Variants in STAB1 observed in about 807,000 individuals in gnomAD.
STAB1 encodes stabilin 1.
In STAB1, 250 loss-of-function variants were observed where a neutral mutation model predicts 332.4. The observed-to-expected ratio is 0.75, with a 90% confidence interval of 0.68 to 0.84. The LOEUF is 0.84. Among genes scored for constraint, STAB1 ranks in the 40% least tolerant of loss-of-function variants. STAB1 has a pLI of 0.00. For synonymous variants in STAB1, 1,475 were observed against 1,390.4 expected (o/e 1.06, Z -1.35); for missense variants, 3,249 against 3,489.7 (o/e 0.93, Z 1.74).
At position 52,517,391 on chromosome 3, in the gene STAB1, C is replaced by A. The variant is rs755972639; in HGVS notation, c.4561C>A (p.Gln1521Lys). The change falls in exon 43 of 69, where the codon CAG (glutamine) becomes AAG (lysine). Residue 1521 changes from glutamine to lysine, a missense_variant and splice_region_variant. Physicochemically the swap from Gln to Lys is moderately conservative, Grantham distance 53. Transcript: ENST00000321725. ...CGAGTGCATCCCCACTGGCCCCCAG[C>A]AGGTCAGCATGGCAGGGTTGGACAT... Reference protein sequence around the residue: ...HAECIPTGPQQVSCSCREGYS... With the variant: ...HAECIPTGPQKVSCSCREGYS... The A allele has an allele frequency of 1.1e-5, 18 of 1,602,376 alleles. No individual in the cohort carries two copies. The South Asian group carries it at 1.9e-4, about 17-fold the overall frequency.
At chr3:52,510,085 A>AC in intron 23 of STAB1, 29 bp downstream of exon 23, 2 of 1,613,066 alleles carry the variant, frequency 1.2e-6, no homozygotes, top group Non-Finnish European at 1.7e-6. Flanking sequence ...TGTCTGCCCC[A>AC]CCCGTGACCT....
In STAB1 at chr3:52,506,319, C is replaced by T; in HGVS notation, c.1830+69C>T. 13 of 1,410,696 alleles carry T rather than the reference C, an allele frequency of 9.2e-6. No homozygotes were observed. In the South Asian group the frequency reaches 1.6e-4, roughly 17 times the overall value. 87.4% of individuals were successfully genotyped at this position (1,410,696 alleles called of 1,614,324 possible). A position where few individuals can be genotyped will look rare whatever the true frequency, so the allele number is the denominator to read the frequency against. On this transcript the variant is annotated intron_variant, in intron 17 of 68. Transcript: ENST00000321725. ...ACCAGCTGCCCACTTGGCCTCTCAG[C>T]CTTGTGTGCTCCGAGCCCCGTGGTG...
At chr3:52,496,786 T>C (rs992220564) in intron 1 of STAB1, among the ~76,000 whole-genome samples, 1 of 152,124 alleles carries the variant, frequency 6.6e-6, no homozygotes, top group Non-Finnish European at 1.5e-5. Flanking sequence ...TTTTTCCTTG[T>C]CAGAGACCTA....
At chr3:52,521,817 T>G in intron 57 of STAB1, 27 bp from the exon 58 acceptor site, 1 of 1,592,840 alleles carries the variant, frequency 6.3e-7, no homozygotes, top group Non-Finnish European at 8.6e-7. Flanking sequence ...ACTAACCTGG[T>G]TCTGGGGGCT....
At chr3:52,503,983 G>T in intron 9 of STAB1, 45 bp from the exon 10 acceptor site, 1 of 1,609,930 alleles carries the variant, frequency 6.2e-7, no homozygotes, top group Non-Finnish European at 8.5e-7. Context: ...GTGCGGTGGG[G>T]GGGGCCTCAG....
rs1274721309 is a variant in STAB1 at position 52,502,710 on chromosome 3, G to A, written c.566G>A (p.Gly189Asp). 1.2e-6 allele frequency: 2 copies of A among 1,613,478 alleles called. No homozygotes were observed. Among genetic ancestry groups the A allele is most frequent in the East Asian group, 2.2e-5 (1 of 44,880 alleles). Residue 189 changes from glycine to aspartate, a missense_variant, in exon 6 of 69, where the codon GGC becomes GAC. Transcript: ENST00000321725. ...GSCLCFAGYT[G>D]PHCDQELPVC... is the part of the protein sequence containing the mutation. ...TGCCTGTGCTTTGCTGGATACACTG[G>A]CCCCCACTGTGATCAAGGTGAGCAG...
At chr3:52,519,705 A>G in intron 50 of STAB1, 141 bp downstream of exon 50, 3 of 1,309,884 alleles carry the variant, frequency 2.3e-6, no homozygotes, top group Non-Finnish European at 3.2e-6. Context: ...TGTGTGCACA[A>G]GCCACATCTG....
In STAB1 at chr3:52,516,833, C is replaced by T. The variant is rs190525330; in HGVS notation, c.4363+65C>T. ...TGGGGTGGCTGTCCCCACAGAGCCC[C>T]CTTCACTTCCTCTAGGCCCAGCCCC... is the stretch of plus-strand genomic sequence containing the variant. On this transcript the variant is annotated intron_variant, in intron 41 of 68. Transcript: ENST00000321725. The T allele has an allele frequency of 1.9e-5, 30 of 1,594,058 alleles. No individual in the cohort carries two copies. In the African/African-American group the frequency reaches 3.1e-4, roughly 17 times the overall value.
Position 52,514,975 on chromosome 3 carries a change from CT to C in STAB1, c.3808-9del. On this transcript the variant is annotated splice_polypyrimidine_tract_variant and intron_variant, in intron 35 of 68. Coordinates refer to ENST00000321725, the MANE Select transcript of STAB1 (RefSeq NM_015136.3). ...GGCCTGGACTGCCTGATGCCCCACC[CT>C]TTTTCCCTCTAGGAGAAATGTGTAA... 6.2e-7 allele frequency: 1 copy of C among 1,613,402 alleles called. No homozygotes were observed. The highest frequency in any genetic ancestry group is 8.5e-7 in the Non-Finnish European group (1 of 1,179,940).
chr3:52,519,837 T>G, intron 50 of STAB1, 107 bp from the exon 51 acceptor site: 1 of 1,360,006 alleles, frequency 7.4e-7, no homozygotes, highest in Non-Finnish European at 9.8e-7. Context: ...CACAGATGAG[T>G]GTGGGTGAGT....
intron 21 of STAB1, 70 bp from the exon 22 acceptor site, chr3:52,509,140 G>T: frequency 1.4e-6 from 2 of 1,392,312 alleles, no homozygotes; most frequent in South Asian, 1.3e-5. Flanking sequence ...ATGAAAGGAG[G>T]GGGTGTTGGG....
In STAB1 at chr3:52,521,826, C is replaced by T. The variant is rs772224241; in HGVS notation, c.6164-18C>T. On this transcript the variant is annotated intron_variant, in intron 57 of 68. Coordinates refer to ENST00000321725, the MANE Select transcript of STAB1 (RefSeq NM_015136.3). ...GCAACTACTAACCTGGTTCTGGGGG[C>T]TGGGCCCTGGGGGACAGAGCTGCAG... 1.3e-6 allele frequency: 2 copies of T among 1,592,438 alleles called. No individual in the cohort carries two copies. Among genetic ancestry groups the T allele is most frequent in the Non-Finnish European group, 1.7e-6 (2 of 1,168,056 alleles).
chr3:52,512,328 A>C lies in STAB1; in HGVS notation c.2884-13A>C, dbSNP rs1575333546. On this transcript the variant is annotated splice_polypyrimidine_tract_variant and intron_variant, in intron 26 of 68. Transcript: ENST00000321725. ...TGGTTCTGAATGGAGGCCCTTTCTC[A>C]CTCCCACCCCAGGCCACCTGCCGGG... The C allele has an allele frequency of 6.2e-7, 1 of 1,611,154 alleles. No homozygotes were observed. Among genetic ancestry groups the C allele is most frequent in the Non-Finnish European group, 8.5e-7 (1 of 1,179,152 alleles).
chr3:52,507,995 G>A lies in STAB1; in HGVS notation c.2117G>A (p.Gly706Asp). ...ACGGGGCTCAATGTGCTAAAGAAGGGCTGTGCCAGCTACTGCAACCAAACC... is the reference window on the plus strand; with the variant it reads ...ACGGGGCTCAATGTGCTAAAGAAGGACTGTGCCAGCTACTGCAACCAAACC... The part of the protein sequence containing the change: ...DPTGLNVLKK[G>D]CASYCNQTIM... The change falls in exon 20 of 69, where the codon GGC becomes GAC. Residue 706 changes from glycine to aspartate, a missense_variant. By Grantham distance (94) the Gly-to-Asp change is moderately conservative (BLOSUM62 -1). Coordinates refer to ENST00000321725, the MANE Select transcript of STAB1 (RefSeq NM_015136.3). The A allele has an allele frequency of 1.2e-6, 2 of 1,613,636 alleles. No individual in the cohort carries two copies. Among genetic ancestry groups the A allele is most frequent in the Admixed American group, 1.7e-5 (1 of 60,010 alleles).
Position 52,501,998 on chromosome 3 carries a change from G to A in STAB1, c.332-8G>A, listed in dbSNP as rs765364460. 1.1e-5 allele frequency: 17 copies of A among 1,611,544 alleles called. No individual in the cohort carries two copies. The African/African-American group carries it at 2.0e-4, about 19-fold the overall frequency. ...GGGCACAGAGCTGAGTACTGTGGGG[G>A]TCCACAGAATGCCCTGGGGGCGCTG... On this transcript the variant is annotated splice_region_variant and splice_polypyrimidine_tract_variant and intron_variant, in intron 3 of 68. Coordinates refer to ENST00000321725, the MANE Select transcript of STAB1 (RefSeq NM_015136.3).
chr3:52,507,369 C>T (rs892960951), intron 18 of STAB1, among the ~76,000 whole-genome samples: 20 of 152,128 alleles, frequency 1.3e-4, no homozygotes, highest in Admixed American at 7.2e-4. Flanking sequence ...CATCCTCCAC[C>T]GCTCCATCCC....
intron 17 of STAB1, 138 bp downstream of exon 17, chr3:52,506,388 C>A: frequency 1.2e-6 from 1 of 833,824 alleles, no homozygotes; most frequent in Non-Finnish European, 2.0e-6. Context: ...GGGAAGGAAG[C>A]AGGCAGAGAT....
At position 52,524,329 on chromosome 3, in the gene STAB1, C is replaced by T; in HGVS notation, c.7686C>T (p.Asp2562=). Residue 2562 remains aspartate, a synonymous_variant, in exon 69 of 69, where the codon GAC becomes GAT. Coordinates refer to ENST00000321725, the MANE Select transcript of STAB1 (RefSeq NM_015136.3). ...DDSLLEEDFP[D]TQRILTVK ...CACTGCTGGAGGAGGACTTCCCTGA[C>T]ACCCAGAGGATCCTCACAGTCAAGT... is the stretch of plus-strand genomic sequence containing the variant. 1 of 1,613,898 alleles carries T rather than the reference C, an allele frequency of 6.2e-7. No homozygotes were observed. The highest frequency in any genetic ancestry group is 8.5e-7 in the Non-Finnish European group (1 of 1,180,018).
intron 43 of STAB1, 59 bp from the exon 44 acceptor site, chr3:52,517,491 C>G: frequency 6.2e-7 from 1 of 1,600,630 alleles, no homozygotes; most frequent in Non-Finnish European, 8.5e-7. Flanking sequence ...GACCCTTTTA[C>G]CCAGGGTGCT....
Sources: allele counts gnomAD v4.1 joint callset (sites outside exome capture counted in the v4.1 genomes callset), GRCh38; gene constraint gnomAD v4.1.1; transcripts MANE v1.5; gene names NCBI Gene and HGNC (gene_info 2026-07-23, HGNC 2026-07-21).